FBXO46: variants seen among roughly 807,000 people sequenced by gnomAD.
FBXO46 encodes F-box only protein 46.
A neutral mutation model predicts 30.7 loss-of-function variants in FBXO46; 13 were observed. The observed-to-expected ratio is 0.42, with a 90% CI of 0.28 to 0.67. The LOEUF (loss-of-function observed/expected upper bound fraction) is 0.67. Ranked by LOEUF, FBXO46 falls within the 30% of genes least tolerant of loss-of-function variation. The pLI, the probability that FBXO46 is intolerant of heterozygous loss-of-function variation, is 0.21. For synonymous variants in FBXO46, 467 were observed against 385.8 expected (o/e 1.21, Z -2.47); for missense variants, 754 against 871.5 (o/e 0.87, Z 1.70).
rs190517827 is a variant in FBXO46, at chr19:45,720,532, G to A, written c.-78-6959C>T. The stretch of plus-strand genomic sequence containing the variant: ...GATCCACCCGCCTCAGCCTCCCAAA[G>A]TGCTAGGATTACAGGTGTGAGCCAC... On this transcript the variant is annotated intron_variant, in intron 1 of 1. Transcript: ENST00000317683. Among the ~76,000 whole-genome samples, 9 of 152,278 alleles carry A rather than the reference G, an allele frequency of 5.9e-5. No individual in the cohort carries two copies. The East Asian group carries it at 1.3e-3, about 23-fold the overall frequency.
chr19:45,712,265 G>C lies in FBXO46; in HGVS notation c.1231C>G (p.Leu411Val), dbSNP rs754764894. The stretch of plus-strand genomic sequence containing the variant: ...GGCCCGTCCGGCCCGCGGTTCTGGA[G>C]AAAGAAGAGCTGGCCCGGAGGCGGC... ...EPPPPGQLFF[L>V]QNRGPDGPPE... Residue 411 changes from leucine to valine, a missense_variant, in exon 2 of 2, where the codon CTC (leucine) becomes GTC (valine). By Grantham distance (32) the Leu-to-Val change is conservative. This residue lies in a region of FBXO46 where 454 missense variants were observed against 426.5 expected (regional missense o/e 1.06). Transcript: ENST00000317683. This position sits in a 1 kb window ranked among gnomAD's most constrained non-coding sequence, Gnocchi z 8.8. 2 of 1,604,772 alleles carry C rather than the reference G, an allele frequency of 1.2e-6. No homozygotes were observed. The highest frequency in any genetic ancestry group is 1.7e-6 in the Non-Finnish European group (2 of 1,179,408).
Position 45,712,940 on chromosome 19 carries a change from C to G in FBXO46, c.556G>C (p.Ala186Pro). Residue 186 changes from alanine to proline, a missense_variant, in exon 2 of 2, where the codon GCC (alanine) becomes CCC (proline). Ala to Pro is a conservative substitution (Grantham distance 27, BLOSUM62 -1). Transcript: ENST00000317683. The surrounding 1 kb of genome is among the most constrained non-coding windows in gnomAD (Gnocchi z 8.8). ...GTCGGTCGTGGGTAGCTCTGCAGGG[C>G]CAGGGCTGCCCGCTGTTCCACCAGG... Reference protein sequence around the residue: ...VALVEQRAALALQSYPRPTTP... With the variant: ...VALVEQRAALPLQSYPRPTTP... 6.3e-7 allele frequency: 1 copy of G among 1,596,246 alleles called. No individual in the cohort carries two copies. Among genetic ancestry groups the G allele is most frequent in the South Asian group, 1.1e-5 (1 of 89,218 alleles).
intron 1 of FBXO46, among the ~76,000 whole-genome samples, chr19:45,714,120 C>T (rs1968051610): frequency 6.6e-6 from 1 of 152,142 alleles, no homozygotes; most frequent in South Asian, 2.1e-4. Flanking sequence ...TCCTACCCCA[C>T]TGTCCAACTG....
rs759915398 is a variant in FBXO46 at position 45,712,739 on chromosome 19, C to G, written c.757G>C (p.Gly253Arg). 7 of 1,611,588 alleles carry G rather than the reference C, an allele frequency of 4.3e-6. No individual in the cohort carries two copies. Among genetic ancestry groups the G allele is most frequent in the Non-Finnish European group, 5.1e-6 (6 of 1,178,976 alleles). ...TKGLRKEERP[G>R]PGPGEVRIAF... ...ATGCGCACCTCCCCAGGGCCTGGCC[C>G]GGGCCGCTCTTCCTTGCGGAGGCCC... The change falls in exon 2 of 2, where the codon GGG (glycine) becomes CGG (arginine). Residue 253 changes from glycine (G) to arginine (R), a missense_variant. Gly to Arg is a moderately radical substitution (Grantham distance 125). Transcript: ENST00000317683. The surrounding 1 kb of genome is among the most constrained non-coding windows in gnomAD (Gnocchi z 8.8).
intron 1 of FBXO46, among the ~76,000 whole-genome samples, chr19:45,719,162 T>C (rs1339763249): frequency 6.6e-6 from 1 of 151,920 alleles, no homozygotes; most frequent in Non-Finnish European, 1.5e-5. Context: ...GGTGGGAGGA[T>C]TGCTTGAGCC....
chr19:45,728,792 C>A (rs1342006907), intron 1 of FBXO46, among the ~76,000 whole-genome samples: 1 of 152,050 alleles, frequency 6.6e-6, no homozygotes, highest in Non-Finnish European at 1.5e-5. Context: ...GTCATGATTG[C>A]GCCACTGCAT....
chr19:45,726,650 A>AG (rs1415116651), intron 1 of FBXO46, among the ~76,000 whole-genome samples: 3 of 151,866 alleles, frequency 2.0e-5, no homozygotes, highest in African/African-American at 7.3e-5. Flanking sequence ...TGTCTAAAAA[A>AG]AAAAAAATTG....
Position 45,713,232 on chromosome 19 carries a change from C to T in FBXO46, c.264G>A (p.Thr88=), listed in dbSNP as rs556097819. 55 of 1,613,992 alleles carry T rather than the reference C, an allele frequency of 3.4e-5. No individual in the cohort carries two copies. Among genetic ancestry groups the T allele is most frequent in the South Asian group, 2.3e-4 (21 of 91,088 alleles). The change falls in exon 2 of 2, where the codon ACG becomes ACA. Residue 88 remains threonine (T), a synonymous_variant. Transcript: ENST00000317683. The surrounding 1 kb of genome is among the most constrained non-coding windows in gnomAD (Gnocchi z 4.7). ...TATTCCCGGGCTTGATGACATACCACGTGTCCAGGAGGACTCGACCCTCAT... is the reference window on the plus strand; with the variant it reads ...TATTCCCGGGCTTGATGACATACCATGTGTCCAGGAGGACTCGACCCTCAT... ...AGDEGRVLLD[T]WYVIKPGNTK... is the part of the protein sequence containing the mutation.
At chr19:45,732,359 T>C (rs1968330743), upstream of FBXO46, among the ~76,000 whole-genome samples, 1 of 151,884 alleles carries the variant, frequency 6.6e-6, no homozygotes, top group South Asian at 2.1e-4. Context: ...TGAACTGAAA[T>C]GTATTGGATT....
chr19:45,714,198 C>A (rs1968052894), intron 1 of FBXO46, among the ~76,000 whole-genome samples: 1 of 152,094 alleles, frequency 6.6e-6, no homozygotes, highest in Non-Finnish European at 1.5e-5. Flanking sequence ...GGACCACTGA[C>A]AGACAAGGTC....
At chr19:45,727,434 T>A (rs562447732) in intron 1 of FBXO46, among the ~76,000 whole-genome samples, 2 of 151,932 alleles carry the variant, frequency 1.3e-5, no homozygotes, top group South Asian at 4.2e-4. Flanking sequence ...GACACAAGCC[T>A]GTAATCTCAG....
chr19:45,722,717 G>A (rs1053031770), intron 1 of FBXO46, among the ~76,000 whole-genome samples: 2 of 151,176 alleles, frequency 1.3e-5, no homozygotes, highest in East Asian at 1.9e-4. Context: ...AGCCGAGATT[G>A]CGCCACTGCA....
In FBXO46 at chr19:45,713,241, G is replaced by A; in HGVS notation, c.255C>T (p.Leu85=). 1 of 1,613,950 alleles carries A rather than the reference G, an allele frequency of 6.2e-7. No individual in the cohort carries two copies. The highest frequency in any genetic ancestry group is 8.5e-7 in the Non-Finnish European group (1 of 1,179,868). ...AAAAGDEGRV[L]LDTWYVIKPG... is the part of the protein sequence containing the mutation. The stretch of plus-strand genomic sequence containing the variant: ...GCTTGATGACATACCACGTGTCCAG[G>A]AGGACTCGACCCTCATCACCAGCAG... The change falls in exon 2 of 2, where the codon CTC becomes CTT. Residue 85 remains leucine, a synonymous_variant. Coordinates refer to ENST00000317683, the MANE Select transcript of FBXO46 (RefSeq NM_001080469.2). This position sits in a 1 kb window ranked among gnomAD's most constrained non-coding sequence, Gnocchi z 4.7.
intron 1 of FBXO46, among the ~76,000 whole-genome samples, chr19:45,728,979 C>T (rs970323003): frequency 6.6e-6 from 1 of 151,352 alleles, no homozygotes; most frequent in African/African-American, 2.4e-5. Flanking sequence ...GACGTGGTGG[C>T]GCATGCCTGC....
At chr19:45,722,761 C>CAAAA (rs35706964) in intron 1 of FBXO46, among the ~76,000 whole-genome samples, 1 of 136,406 alleles carries the variant, frequency 7.3e-6, no homozygotes. Flanking sequence ...GACTCCGTCT[C>CAAAA]AAAAAAAAAA....
At chr19:45,728,929 A>G (rs1968273676) in intron 1 of FBXO46, among the ~76,000 whole-genome samples, 2 of 151,776 alleles carry the variant, frequency 1.3e-5, no homozygotes, top group Admixed American at 1.3e-4. Flanking sequence ...TGAGGTCGGG[A>G]GTTCAAGACC....
upstream of FBXO46, among the ~76,000 whole-genome samples, chr19:45,732,824 T>G (rs1398759263): frequency 6.6e-6 from 1 of 151,900 alleles, no homozygotes; most frequent in Non-Finnish European, 1.5e-5. Flanking sequence ...ACTCCTGACC[T>G]CAAGTGATCC....
rs34349746 is a variant in FBXO46, at chr19:45,713,968, C to CAAAAA, written c.-78-400_-78-396dup. Reference sequence around the variant, plus strand: ...GGGCGACAAGAGCGAAACTCCGTCTCAAAAAAAAAAAAAAAAAAAAAAAGA... The same window carrying CAAAAA: ...GGGCGACAAGAGCGAAACTCCGTCTCAAAAAAAAAAAAAAAAAAAAAAAAAAAAGA... On this transcript the variant is annotated intron_variant, in intron 1 of 1. Transcript: ENST00000317683. The surrounding 1 kb of genome is among the most constrained non-coding windows in gnomAD (Gnocchi z 4.7). Among the ~76,000 whole-genome samples the CAAAAA allele has an allele frequency of 6.8e-3, 495 of 73,100 alleles. 5 individuals carry two copies. Among genetic ancestry groups the CAAAAA allele is most frequent in the Non-Finnish European group, 0.011 (406 of 37,268 alleles). 48.0% of individuals were successfully genotyped at this position (73,100 alleles called of 152,430 possible).
At chr19:45,728,161 G>C (rs1224041147) in intron 1 of FBXO46, among the ~76,000 whole-genome samples, 1 of 152,220 alleles carries the variant, frequency 6.6e-6, no homozygotes, top group Non-Finnish European at 1.5e-5. Flanking sequence ...CTTGGCCTCG[G>C]GCAATCTGCC....
Sources: allele counts gnomAD v4.1 joint callset (sites outside exome capture counted in the v4.1 genomes callset), GRCh38; gene constraint gnomAD v4.1.1; regional missense constraint gnomAD v4.1.1; non-coding constraint Gnocchi (gnomAD v3.1); transcripts MANE v1.5; gene names NCBI Gene and HGNC (gene_info 2026-07-23, HGNC 2026-07-21).